The following SCHIP1 variants were observed in gnomAD, a reference collection of about 807,000 sequenced individuals.
The protein encoded by SCHIP1 is schwannomin-interacting protein 1.
A neutral mutation model predicts 29.7 loss-of-function variants in SCHIP1; 8 were observed. The ratio of observed to expected loss-of-function variants is 0.27; its 90% CI spans 0.16 to 0.49. The LOEUF is 0.49. Among genes scored for constraint, SCHIP1 ranks in the 20% least tolerant of loss-of-function variants. The pLI is 0.99. For missense variants in SCHIP1, 193 were observed against 294.6 expected (o/e 0.66, Z 2.52); for synonymous variants, 76 against 94.9 (o/e 0.80, Z 1.16).
At chr3:159,752,488 T>A in the SCHIP1 span, among the ~76,000 whole-genome samples, 2 of 152,150 alleles carry the variant, frequency 1.3e-5, no homozygotes, top group Non-Finnish European at 2.9e-5. Context: ...GAAAAGAGGT[T>A]TAATTGGCTC....
At chr3:159,802,301 G>T in the SCHIP1 span, among the ~76,000 whole-genome samples, 5 of 152,170 alleles carry the variant, frequency 3.3e-5, no homozygotes, top group Admixed American at 2.6e-4. Context: ...CCAAAAAAAT[G>T]CTCCTATGTC....
At chr3:159,595,923 A>G in the SCHIP1 span, among the ~76,000 whole-genome samples, 1 of 152,222 alleles carries the variant, frequency 6.6e-6, no homozygotes, top group Admixed American at 6.5e-5. Context: ...CACCAAAAGC[A>G]ATGGCAACAA....
At chr3:159,472,217 T>C in the SCHIP1 span, among the ~76,000 whole-genome samples, 1 of 152,298 alleles carries the variant, frequency 6.6e-6, no homozygotes, top group East Asian at 1.9e-4. Context: ...ATGCATATTA[T>C]CTATTCAACT....
chr3:159,372,028 A>C, the SCHIP1 span, among the ~76,000 whole-genome samples: 4 of 152,182 alleles, frequency 2.6e-5, no homozygotes, highest in Non-Finnish European at 5.9e-5. Flanking sequence ...GTGACAAAAG[A>C]CAATAATATG....
At chr3:159,394,247 A>T in the SCHIP1 span, among the ~76,000 whole-genome samples, 1 of 151,192 alleles carries the variant, frequency 6.6e-6, no homozygotes, top group African/African-American at 2.4e-5. Flanking sequence ...ATATACAATC[A>T]TGTCGTCTGC....
At chr3:159,577,462 A>C in the SCHIP1 span, among the ~76,000 whole-genome samples, 1 of 152,218 alleles carries the variant, frequency 6.6e-6, no homozygotes, top group Non-Finnish European at 1.5e-5. Context: ...AATTCCAGAG[A>C]AAAGATGCTG....
At chr3:159,474,630 T>C in the SCHIP1 span, among the ~76,000 whole-genome samples, 1 of 152,146 alleles carries the variant, frequency 6.6e-6, no homozygotes, top group South Asian at 2.1e-4. Context: ...CCCAAACACA[T>C]GCCCACAGGA....
the SCHIP1 span, among the ~76,000 whole-genome samples, chr3:159,653,267 T>C: frequency 3.9e-5 from 6 of 152,194 alleles, no homozygotes; most frequent in Non-Finnish European, 5.9e-5. Flanking sequence ...TAAATCATTC[T>C]ACTATAAAGA....
the SCHIP1 span, among the ~76,000 whole-genome samples, chr3:159,662,159 C>A: frequency 6.6e-6 from 1 of 152,048 alleles, no homozygotes; most frequent in Non-Finnish European, 1.5e-5. Flanking sequence ...TGGCTCATAC[C>A]CCCGGCACTC....
the SCHIP1 span, among the ~76,000 whole-genome samples, chr3:159,599,052 T>A: frequency 6.6e-6 from 1 of 152,308 alleles, no homozygotes; most frequent in Admixed American, 6.5e-5. Flanking sequence ...TTGGTTTCTA[T>A]TTGAGTAAAA....
chr3:159,639,103 A>G, the SCHIP1 span, among the ~76,000 whole-genome samples: 1 of 152,086 alleles, frequency 6.6e-6, no homozygotes, highest in Non-Finnish European at 1.5e-5. Context: ...AAGTTTTGTT[A>G]TTTTTGTGAG....
the SCHIP1 span, among the ~76,000 whole-genome samples, chr3:159,485,638 G>A: frequency 6.6e-6 from 1 of 152,146 alleles, no homozygotes; most frequent in African/African-American, 2.4e-5. Flanking sequence ...CCAATGGAGG[G>A]TTTGAATTGT....
At chr3:159,431,954 A>G in the SCHIP1 span, among the ~76,000 whole-genome samples, 1,896 of 149,516 alleles carry the variant, frequency 0.013, 53 homozygotes, top group African/African-American at 0.044. Flanking sequence ...TTATCTTGGC[A>G]TTATGTTAAT....
the SCHIP1 span, among the ~76,000 whole-genome samples, chr3:159,430,170 C>T: frequency 2.0e-5 from 3 of 152,048 alleles, no homozygotes; most frequent in South Asian, 2.1e-4. Flanking sequence ...TAGAAATGGG[C>T]ATCTGATTAG....
the SCHIP1 span, among the ~76,000 whole-genome samples, chr3:159,338,843 G>A: frequency 1.3e-5 from 2 of 152,142 alleles, no homozygotes; most frequent in African/African-American, 4.8e-5. Context: ...AATACAAAAG[G>A]CTGTGCTTGA....
chr3:159,751,901 A>T, the SCHIP1 span, among the ~76,000 whole-genome samples: 1 of 152,076 alleles, frequency 6.6e-6, no homozygotes, highest in Non-Finnish European at 1.5e-5. Flanking sequence ...CCCTAGTGGG[A>T]GGTGATTGAA....
the SCHIP1 span, among the ~76,000 whole-genome samples, chr3:159,747,176 C>T: frequency 2.6e-4 from 40 of 152,196 alleles, no homozygotes; most frequent in African/African-American, 8.9e-4. Context: ...AATACTATGT[C>T]ATCTCCTTAA....
chr3:159,864,896 TATTA>T lies in SCHIP1; in HGVS notation c.31-1255_31-1252del, dbSNP rs371137352. 9.1e-4 allele frequency among the ~76,000 whole-genome samples: 138 copies of T among 152,342 alleles called. 3 individuals are homozygous for T. In the East Asian group the frequency reaches 0.018, roughly 19 times the overall value. ...TGTGCCCGAAGAGCTGAATTTTTAA[TATTA>T]ATTAATTAATTCTTAAGTTGAAATG... is the stretch of plus-strand genomic sequence containing the variant. On this transcript the variant is annotated intron_variant, in intron 1 of 6. Transcript: ENST00000445224.
chr3:159,646,343 C>A, the SCHIP1 span, among the ~76,000 whole-genome samples: 3 of 152,164 alleles, frequency 2.0e-5, no homozygotes, highest in Non-Finnish European at 4.4e-5. Context: ...TAGTGAGCAG[C>A]TTAGCACAGG....
Sources: gnomAD v4.1 joint callset for allele counts (sites outside exome capture counted in the v4.1 genomes callset) on GRCh38, gnomAD v4.1.1 for gene constraint, MANE v1.5 for transcripts, NCBI Gene and HGNC (gene_info 2026-07-23, HGNC 2026-07-21) for gene names.